The following SBNO1 variants were observed in gnomAD, a reference collection of about 807,000 sequenced individuals.
SBNO1 encodes the protein strawberry notch homolog 1, also known as protein strawberry notch homolog 1.
SBNO1 carries 23 observed loss-of-function variants against 173.6 expected under a neutral mutation model. That is an observed-to-expected ratio of 0.13 (90% CI 0.10 to 0.19). The LOEUF (loss-of-function observed/expected upper bound fraction) is 0.19, where lower values mean the gene tolerates loss of function less well. SBNO1 is among the 10% of genes least tolerant of loss of function. The pLI is 1.00. For synonymous variants in SBNO1, 632 were observed against 571.5 expected (o/e 1.11, Z -1.51); for missense variants, 1,238 against 1,671.2 (o/e 0.74, Z 4.52).
At chr12:123,346,035 G>A (rs183535530) in intron 3 of SBNO1, among the ~76,000 whole-genome samples, 15 of 152,266 alleles carry the variant, frequency 9.9e-5, no homozygotes, top group Admixed American at 2.0e-4. Context: ...CAACTTTGAC[G>A]AAAAGAAGGT....
At chr12:123,331,400 A>G (rs752233857) in intron 7 of SBNO1, 25 bp from the exon 8 acceptor site, 1 of 1,608,838 alleles carries the variant, frequency 6.2e-7, no homozygotes, top group Non-Finnish European at 8.5e-7. Context: ...GCTGGTAATT[A>G]ATATAATCCT....
Position 123,348,141 on chromosome 12 carries a change from G to C in SBNO1, c.133-8C>G, listed in dbSNP as rs147424831. ...TGCACTAAGTGGCACTGACTGGAGA[G>C]AAAACAACATCAGACAAAAAATAAA... On this transcript the variant is annotated splice_polypyrimidine_tract_variant and splice_region_variant and intron_variant, in intron 2 of 31. Coordinates refer to ENST00000602398, the MANE Select transcript of SBNO1 (RefSeq NM_001167856.3). 2 of 1,486,124 alleles carry C rather than the reference G, an allele frequency of 1.3e-6. No homozygotes were observed. Among genetic ancestry groups the C allele is most frequent in the South Asian group, 1.2e-5 (1 of 86,144 alleles). The allele number at this position is 1,486,124 out of a possible 1,614,324, so 92.1% of individuals were successfully genotyped here. A position where few individuals can be genotyped will look rare whatever the true frequency, so the allele number is the denominator to read the frequency against.
chr12:123,341,581 G>C (rs1019807371), intron 4 of SBNO1, among the ~76,000 whole-genome samples: 1 of 152,046 alleles, frequency 6.6e-6, no homozygotes, highest in Non-Finnish European at 1.5e-5. Flanking sequence ...GAGTGCGTTG[G>C]CGCAATCTCA....
At chr12:123,331,553 GCT>G (rs1402037712) in intron 7 of SBNO1, among the ~76,000 whole-genome samples, 178 bp from the exon 8 acceptor site, 1 of 151,842 alleles carries the variant, frequency 6.6e-6, no homozygotes, top group Non-Finnish European at 1.5e-5. Context: ...ACGGAGTCTC[GCT>G]CTGTCGCCCA....
chr12:123,364,082 G>A (rs951846545), intron 1 of SBNO1: 7 of 985,506 alleles, frequency 7.1e-6, no homozygotes, highest in Non-Finnish European at 8.4e-6. Flanking sequence ...GCCCGCCGAG[G>A]CAGAACTAAG....
At chr12:123,310,533 A>AT (rs1398817249) in intron 25 of SBNO1, among the ~76,000 whole-genome samples, 12 of 142,760 alleles carry the variant, frequency 8.4e-5, no homozygotes, top group African/African-American at 1.0e-4. Flanking sequence ...CGCCCGACCA[A>AT]TTTTTTTTTA....
intron 20 of SBNO1, among the ~76,000 whole-genome samples, chr12:123,318,404 G>A (rs1243870704): frequency 1.3e-5 from 2 of 151,404 alleles, no homozygotes; most frequent in Non-Finnish European, 2.9e-5. Context: ...CAGCCTGGGG[G>A]ACAAAGTGAC....
intron 1 of SBNO1, among the ~76,000 whole-genome samples, chr12:123,352,334 G>A (rs1873971236): frequency 1.3e-5 from 2 of 152,190 alleles, no homozygotes; most frequent in African/African-American, 4.8e-5. Flanking sequence ...GCATGACTAC[G>A]CAGTTTCGCT....
intron 4 of SBNO1, 91 bp downstream of exon 4, chr12:123,345,167 G>A (rs566508243): frequency 1.8e-6 from 2 of 1,126,404 alleles, no homozygotes; most frequent in South Asian, 3.0e-5. Flanking sequence ...TTTATGGCCA[G>A]TTCTTTAAAA....
chr12:123,360,611 A>AT (rs1321840260), intron 1 of SBNO1, among the ~76,000 whole-genome samples: 1 of 151,712 alleles, frequency 6.6e-6, no homozygotes, highest in Non-Finnish European at 1.5e-5. Flanking sequence ...CGCCCAGCTA[A>AT]TTTTTTGTAT....
intron 30 of SBNO1, among the ~76,000 whole-genome samples, chr12:123,299,699 A>C (rs1349353719): frequency 2.0e-5 from 3 of 150,562 alleles, no homozygotes; most frequent in African/African-American, 4.9e-5. Flanking sequence ...AAAAAAAAAA[A>C]CAAAAAAGCC....
intron 24 of SBNO1, among the ~76,000 whole-genome samples, chr12:123,311,750 T>TA (rs1566027879): frequency 1.7e-4 from 23 of 131,552 alleles, no homozygotes; most frequent in Non-Finnish European, 2.4e-4. Context: ...ATATATATAT[T>TA]TTTGCGACAG....
chr12:123,330,499 A>T lies in SBNO1; in HGVS notation c.1054T>A (p.Ser352Thr). Residue 352 changes from serine to threonine, a missense_variant, in exon 9 of 32, where the codon TCA becomes ACA. By Grantham distance (58) the Ser-to-Thr change is moderately conservative. This residue lies in a region of SBNO1 where 56 missense variants were observed against 65.1 expected (regional missense o/e 0.86). Transcript: ENST00000602398. Reference protein sequence around the residue: ...SRKRALWFSVSNDLKYDAERD... With the variant: ...SRKRALWFSVTNDLKYDAERD... The stretch of plus-strand genomic sequence containing the variant: ...TCAGCATCATACTTTAAGTCATTTG[A>T]AACACTAAACCTGCCAAAATATTAA... 3.8e-6 allele frequency: 6 copies of T among 1,586,494 alleles called. No individual in the cohort carries two copies. The highest frequency in any genetic ancestry group is 4.3e-6 in the Non-Finnish European group (5 of 1,162,436).
Position 123,320,682 on chromosome 12 carries a change from A to G in SBNO1, c.2491+17T>C, listed in dbSNP as rs1266228152. On this transcript the variant is annotated intron_variant, in intron 18 of 31. Coordinates refer to ENST00000602398, the MANE Select transcript of SBNO1 (RefSeq NM_001167856.3). ...GTTTAAAACAGTATTTCAAAAAGGA[A>G]GTTTCTGTATGGATACCTGGTGTAC... is the stretch of plus-strand genomic sequence containing the variant. 1.9e-6 allele frequency: 3 copies of G among 1,594,732 alleles called. No homozygotes were observed. The highest frequency in any genetic ancestry group is 2.6e-6 in the Non-Finnish European group (3 of 1,172,654).
chr12:123,354,589 T>C (rs546580172), intron 1 of SBNO1, among the ~76,000 whole-genome samples: 8 of 152,318 alleles, frequency 5.3e-5, no homozygotes, highest in Non-Finnish European at 7.3e-5. Flanking sequence ...GAAACTATTA[T>C]AGACTCACAG....
At chr12:123,342,747 A>G (rs1872707458) in intron 4 of SBNO1, among the ~76,000 whole-genome samples, 1 of 151,072 alleles carries the variant, frequency 6.6e-6, no homozygotes, top group Non-Finnish European at 1.5e-5. Context: ...TCCAGTCCAG[A>G]ACCCCTGGAA....
intron 1 of SBNO1, among the ~76,000 whole-genome samples, chr12:123,357,021 T>C (rs1874537910): frequency 6.6e-6 from 1 of 152,222 alleles, no homozygotes; most frequent in African/African-American, 2.4e-5. Context: ...TTTAAGATAA[T>C]GATCCAGTTA....
chr12:123,352,922 C>G lies in SBNO1; in HGVS notation c.1-2481G>C, dbSNP rs531323434. ...AAGAAATTCTCCTGCCTCAGCCTCC[C>G]GAGTAGCTGGGACTACAGCCGCCCG... On this transcript the variant is annotated intron_variant, in intron 1 of 31. Transcript: ENST00000602398. Among the ~76,000 whole-genome samples the G allele has an allele frequency of 2.5e-4, 38 of 152,278 alleles. 1 individual carries two copies. Among genetic ancestry groups the G allele is most frequent in the South Asian group, 1.7e-3 (8 of 4,828 alleles).
chr12:123,315,317 C>T (rs574530782), intron 23 of SBNO1, 56 bp downstream of exon 23: 10 of 1,371,244 alleles, frequency 7.3e-6, no homozygotes, highest in African/African-American at 4.3e-5. Flanking sequence ...TTTGTGTTCC[C>T]GAAAGACACC....
Sources: allele counts gnomAD v4.1 joint callset (sites outside exome capture counted in the v4.1 genomes callset), GRCh38; gene constraint gnomAD v4.1.1; regional missense constraint gnomAD v4.1.1; transcripts MANE v1.5; gene names NCBI Gene and HGNC (gene_info 2026-07-23, HGNC 2026-07-21).